Variants in ANKS6 observed in about 807,000 individuals in gnomAD.
The protein encoded by ANKS6 is ankyrin repeat and SAM domain-containing protein 6.
Under a neutral mutation model 77.9 loss-of-function variants are expected in ANKS6, and 47 were observed. The ratio of observed to expected loss-of-function variants is 0.60; its 90% CI spans 0.48 to 0.77. The LOEUF (loss-of-function observed/expected upper bound fraction) is 0.77. Among genes scored for constraint, ANKS6 ranks in the 30% least tolerant of loss-of-function variants. ANKS6 has a pLI of 0.00. For missense variants in ANKS6, 1,150 were observed against 1,159.1 expected, an observed-to-expected ratio of 0.99 and a Z score of 0.11; for synonymous variants, 488 against 501.7, an observed-to-expected ratio of 0.97 and a Z score of 0.37.
At chr9:98,781,852 T>C (rs1834281829) in intron 5 of ANKS6, among the ~76,000 whole-genome samples, 1 of 152,092 alleles carries the variant, frequency 6.6e-6, no homozygotes, top group Non-Finnish European at 1.5e-5. Flanking sequence ...TCTCTCTGGG[T>C]TGAAACTCCA....
intron 11 of ANKS6, among the ~76,000 whole-genome samples, chr9:98,766,783 T>C (rs1833319502): frequency 6.6e-6 from 1 of 152,202 alleles, no homozygotes; most frequent in Non-Finnish European, 1.5e-5. Flanking sequence ...TCTCATACAG[T>C]ACATGTACAT....
At chr9:98,783,903 C>A (rs1428173735) in intron 4 of ANKS6, 50 bp downstream of exon 4, 1 of 1,454,338 alleles carries the variant, frequency 6.9e-7, no homozygotes, top group Non-Finnish European at 9.1e-7. Flanking sequence ...CCATCTCAGG[C>A]CAGAGCATCT....
At chr9:98,793,523 T>C (rs1220170354) in intron 1 of ANKS6, among the ~76,000 whole-genome samples, 1 of 152,088 alleles carries the variant, frequency 6.6e-6, no homozygotes, top group Non-Finnish European at 1.5e-5. Context: ...TTTTGTTTTG[T>C]TTTGTTCTGG....
rs564897275 is a variant in ANKS6, at chr9:98,792,558, G to A, written c.360-1952C>T. 2.0e-5 allele frequency among the ~76,000 whole-genome samples: 3 copies of A among 152,350 alleles called. No homozygotes were observed. In the South Asian group the frequency reaches 6.2e-4, roughly 32 times the overall value. ...CCAGAGGTGAGCAGTGGAAATCCCTGAAGAACTGGTGTATCCTCCACTGTA... is the reference window on the plus strand; with the variant it reads ...CCAGAGGTGAGCAGTGGAAATCCCTAAAGAACTGGTGTATCCTCCACTGTA... On this transcript the variant is annotated intron_variant, in intron 1 of 14. Transcript: ENST00000353234.
chr9:98,795,992 A>C (rs1337088524), intron 1 of ANKS6, 141 bp downstream of exon 1: 1 of 810,628 alleles, frequency 1.2e-6, no homozygotes, highest in Non-Finnish European at 1.7e-6. Flanking sequence ...AAGTTTACAA[A>C]AGACTACTCA....
At chr9:98,772,042 G>A (rs903321588) in intron 9 of ANKS6, among the ~76,000 whole-genome samples, 2 of 152,162 alleles carry the variant, frequency 1.3e-5, no homozygotes, top group Admixed American at 6.5e-5. Context: ...GTGATTAAAG[G>A]TTGCAGTGGG....
chr9:98,778,152 A>T, intron 7 of ANKS6, 74 bp downstream of exon 7: 1 of 1,518,922 alleles, frequency 6.6e-7, no homozygotes, highest in Non-Finnish European at 9.0e-7. Flanking sequence ...GCAACCCAGG[A>T]GGTAGGATGA....
chr9:98,765,270 G>C (rs1346616294), intron 11 of ANKS6, among the ~76,000 whole-genome samples: 1 of 152,172 alleles, frequency 6.6e-6, no homozygotes, highest in Non-Finnish European at 1.5e-5. Context: ...CTGGGGAAGA[G>C]GTGGGTAAAT....
intron 14 of ANKS6, among the ~76,000 whole-genome samples, chr9:98,739,214 T>C (rs1219107065): frequency 6.6e-6 from 1 of 152,130 alleles, no homozygotes. Context: ...CACAAACCAC[T>C]GCGAAAGAAC....
chr9:98,782,417 G>C, intron 5 of ANKS6, 50 bp downstream of exon 5: 2 of 1,532,488 alleles, frequency 1.3e-6, no homozygotes, highest in Non-Finnish European at 1.8e-6. Context: ...TTGACTCCCA[G>C]TCCAAGAAAC....
intron 10 of ANKS6, 79 bp downstream of exon 10, chr9:98,770,817 C>G: frequency 3.2e-6 from 4 of 1,268,242 alleles, no homozygotes; most frequent in Non-Finnish European, 4.0e-6. Flanking sequence ...CTGTCTGCAA[C>G]CTGAATATCC....
At chr9:98,739,129 G>C (rs1002778345) in intron 14 of ANKS6, among the ~76,000 whole-genome samples, 3 of 151,136 alleles carry the variant, frequency 2.0e-5, no homozygotes, top group Non-Finnish European at 4.4e-5. Flanking sequence ...GGAAAGGATG[G>C]GAAGGGGGTG....
intron 2 of ANKS6, chr9:98,789,764 G>A (rs1303753203): frequency 4.0e-6 from 1 of 250,390 alleles, no homozygotes; most frequent in African/African-American, 2.2e-5. Flanking sequence ...GGTCCATACA[G>A]TCTATTTGGC....
Position 98,735,422 on chromosome 9 carries a change from G to A in ANKS6, c.*1097C>T. ...TGGAAAACACTTCAGAAAGCCAGTGGGTTTTAAAAGTCAGGGCCCCTCTAA... is the reference window on the plus strand; with the variant it reads ...TGGAAAACACTTCAGAAAGCCAGTGAGTTTTAAAAGTCAGGGCCCCTCTAA... On this transcript the variant is annotated 3_prime_UTR_variant, in exon 15 of 15. Coordinates refer to ENST00000353234, the MANE Select transcript of ANKS6 (RefSeq NM_173551.5). 1 of 1,170,366 alleles carries A rather than the reference G, an allele frequency of 8.5e-7. No individual in the cohort carries two copies. Among genetic ancestry groups the A allele is most frequent in the Non-Finnish European group, 1.1e-6 (1 of 950,800 alleles). The allele number at this position is 1,170,366 out of a possible 1,614,324, so 72.5% of individuals were successfully genotyped here. A position where few individuals can be genotyped will look rare whatever the true frequency, so the allele number is the denominator to read the frequency against.
rs759911710 is a variant in ANKS6, at chr9:98,745,708, C to A, written c.2395-33G>T. The A allele has an allele frequency of 2.6e-6, 4 of 1,531,292 alleles. No homozygotes were observed. The Admixed American group carries it at 5.0e-5, about 19-fold the overall frequency. The allele number at this position is 1,531,292 out of a possible 1,614,324, so 94.9% of individuals were successfully genotyped here. On this transcript the variant is annotated intron_variant, in intron 13 of 14. Transcript: ENST00000353234. ...GAGAGAGGGGATTTGCCACCATCTG[C>A]TGGATGCCACAGTTTCTTCCCAGTC...
intron 11 of ANKS6, among the ~76,000 whole-genome samples, chr9:98,756,879 A>T (rs1360838068): frequency 1.7e-5 from 1 of 58,658 alleles, no homozygotes; most frequent in East Asian, 4.4e-4. Context: ...CCGCTCCCCC[A>T]ATCCCAGTCC....
intron 14 of ANKS6, among the ~76,000 whole-genome samples, chr9:98,737,502 A>C (rs1831567640): frequency 1.3e-5 from 2 of 152,202 alleles, no homozygotes; most frequent in South Asian, 4.1e-4. Context: ...AAAAAAAAAA[A>C]ATACTTAGGA....
At position 98,733,813 on chromosome 9, in the gene ANKS6, C is replaced by T; in HGVS notation, c.*2706G>A. On this transcript the variant is annotated 3_prime_UTR_variant, in exon 15 of 15. Transcript: ENST00000353234. The stretch of plus-strand genomic sequence containing the variant: ...TACTCAACCAGGGAACCTCACCCCA[C>T]TTTCACATACACACCCTACGTTTCT... 1 of 985,486 alleles carries T rather than the reference C, an allele frequency of 1.0e-6. No individual in the cohort carries two copies. The highest frequency in any genetic ancestry group is 1.2e-6 in the Non-Finnish European group (1 of 829,958). The allele number at this position is 985,486 out of a possible 1,614,324, so 61.0% of individuals were successfully genotyped here. A position where few individuals can be genotyped will look rare whatever the true frequency, so the allele number is the denominator to read the frequency against.
intron 1 of ANKS6, 65 bp from the exon 2 acceptor site, chr9:98,790,671 C>T (rs1588421640): frequency 6.5e-7 from 1 of 1,542,932 alleles, no homozygotes; most frequent in East Asian, 2.3e-5. Flanking sequence ...CTTATGTCAT[C>T]CTTAATTGGC....
Sources: allele counts gnomAD v4.1 joint callset (sites outside exome capture counted in the v4.1 genomes callset), GRCh38; gene constraint gnomAD v4.1.1; transcripts MANE v1.5; gene names NCBI Gene and HGNC (gene_info 2026-07-23, HGNC 2026-07-21).